SYNPR: variants seen among roughly 807,000 people sequenced by gnomAD.
SYNPR encodes the protein synaptoporin.
Under a neutral mutation model 32.9 loss-of-function variants are expected in SYNPR, and 23 were observed. The ratio of observed to expected loss-of-function variants is 0.70; its 90% CI spans 0.50 to 0.99. SYNPR has a LOEUF of 0.99. Among genes scored for constraint, SYNPR ranks in the 50% least tolerant of loss-of-function variants. The pLI is 0.00. For synonymous variants in SYNPR, 146 were observed against 135.9 expected (o/e 1.07, Z -0.52); for missense variants, 318 against 349.3 (o/e 0.91, Z 0.71).
At chr3:63,388,878 C>A (rs2107080987) in intron 2 of SYNPR, among the ~76,000 whole-genome samples, 1 of 152,230 alleles carries the variant, frequency 6.6e-6, no homozygotes, top group South Asian at 2.1e-4. Context: ...CTTGCTCACA[C>A]AACACAAATT....
chr3:63,434,006 T>C (rs1304991528), intron 2 of SYNPR, among the ~76,000 whole-genome samples: 1 of 151,578 alleles, frequency 6.6e-6, no homozygotes, highest in African/African-American at 2.4e-5. Flanking sequence ...GAGAGCAGAG[T>C]GGGGAGAGTG....
intron 2 of SYNPR, among the ~76,000 whole-genome samples, chr3:63,325,604 T>G (rs1199092152): frequency 6.6e-6 from 1 of 152,154 alleles, no homozygotes; most frequent in East Asian, 1.9e-4. Flanking sequence ...GCTGGCCTCC[T>G]ACACTCAGTG....
At chr3:63,557,042 A>C (rs1575709459) in intron 4 of SYNPR, among the ~76,000 whole-genome samples, 1 of 152,320 alleles carries the variant, frequency 6.6e-6, no homozygotes, top group African/African-American at 2.4e-5. Context: ...TAATTCCAGC[A>C]TTGTGGAGTT....
At chr3:63,288,738 T>C (rs1380211295) in intron 2 of SYNPR, among the ~76,000 whole-genome samples, 1 of 152,236 alleles carries the variant, frequency 6.6e-6, no homozygotes, top group Non-Finnish European at 1.5e-5. Context: ...ACATTAATTA[T>C]TATATTCATT....
intron 3 of SYNPR, among the ~76,000 whole-genome samples, chr3:63,548,978 C>G (rs770701449): frequency 6.6e-6 from 1 of 152,134 alleles, no homozygotes; most frequent in African/African-American, 2.4e-5. Flanking sequence ...TGTGGTGCTA[C>G]CTAAAGATAA....
chr3:63,489,406 A>C (rs935105436), intron 3 of SYNPR, among the ~76,000 whole-genome samples: 1 of 152,206 alleles, frequency 6.6e-6, no homozygotes, highest in African/African-American at 2.4e-5. Context: ...ATGAATGCTG[A>C]CATTAGAAAG....
chr3:63,550,158 C>T (rs200551281), intron 3 of SYNPR: 1 of 151,904 alleles, frequency 6.6e-6, no homozygotes, highest in Admixed American at 6.6e-5. Flanking sequence ...TGACTATACA[C>T]TTTCCCCCCA....
At chr3:63,494,470 C>CGT (rs1559516453) in intron 3 of SYNPR, among the ~76,000 whole-genome samples, 2,452 of 87,906 alleles carry the variant, frequency 0.028, 93 homozygotes, top group Non-Finnish European at 0.038. Flanking sequence ...CATATATACA[C>CGT]ATATATACAT....
At chr3:63,398,665 G>A (rs1349447934) in intron 2 of SYNPR, among the ~76,000 whole-genome samples, 1 of 151,814 alleles carries the variant, frequency 6.6e-6, no homozygotes, top group Non-Finnish European at 1.5e-5. Context: ...CTTGCAGTGA[G>A]CTGAGATCAC....
chr3:63,494,407 A>ATG (rs1553641143), intron 3 of SYNPR, among the ~76,000 whole-genome samples: 3 of 114,614 alleles, frequency 2.6e-5, no homozygotes, highest in African/African-American at 1.2e-4. Flanking sequence ...ATATATATAT[A>ATG]TATATATATA....
At chr3:63,587,827 C>A (rs536535709) in intron 4 of SYNPR, among the ~76,000 whole-genome samples, 13 of 152,102 alleles carry the variant, frequency 8.5e-5, no homozygotes, top group Admixed American at 2.0e-4. Flanking sequence ...CACACTATGG[C>A]CTCAAACTCC....
intron 2 of SYNPR, among the ~76,000 whole-genome samples, chr3:63,426,102 A>T (rs1699888795): frequency 6.6e-6 from 1 of 152,182 alleles, no homozygotes. Flanking sequence ...CACTTTTAAA[A>T]ATGTCCTAGC....
At chr3:63,259,613 T>A (rs1479917309) in intron 2 of SYNPR, among the ~76,000 whole-genome samples, 2 of 152,288 alleles carry the variant, frequency 1.3e-5, no homozygotes, top group East Asian at 1.9e-4. Context: ...CCACAGCCAA[T>A]GTCATACTGA....
upstream of SYNPR, among the ~76,000 whole-genome samples, chr3:63,224,766 C>G (rs187226571): frequency 2.0e-5 from 3 of 152,176 alleles, no homozygotes; most frequent in African/African-American, 7.2e-5. Flanking sequence ...GTGGCATGAA[C>G]CAGGTGTCTG....
At chr3:63,250,573 T>A (rs1014261038) in intron 1 of SYNPR, among the ~76,000 whole-genome samples, 2 of 152,176 alleles carry the variant, frequency 1.3e-5, no homozygotes, top group Non-Finnish European at 2.9e-5. Context: ...ATGGTCAACA[T>A]GTGGTTAGTA....
chr3:63,370,526 G>A (rs1324216408), intron 2 of SYNPR, among the ~76,000 whole-genome samples: 5 of 152,016 alleles, frequency 3.3e-5, no homozygotes, highest in African/African-American at 7.2e-5. Context: ...ATTTGTACTC[G>A]CCCAAAAAAT....
At position 63,595,739 on chromosome 3, in the gene SYNPR, A is replaced by AATTT. The variant is rs1391405952; in HGVS notation, c.409-13386_409-13385insATTT. Among the ~76,000 whole-genome samples, 5 of 44,066 alleles carry AATTT rather than the reference A, an allele frequency of 1.1e-4. 1 individual carries two copies. Among genetic ancestry groups the AATTT allele is most frequent in the African/African-American group, 4.5e-4 (2 of 4,444 alleles). The allele number at this position is 44,066 out of a possible 152,430, so 28.9% of individuals were successfully genotyped here. On this transcript the variant is annotated intron_variant, in intron 4 of 5. Transcript: ENST00000478300. The stretch of plus-strand genomic sequence containing the variant: ...ATTTTATATATATATATATATATAT[A>AATTT]TATATATATATATATATATATATAT...
At chr3:63,436,922 G>C (rs908253810) in intron 2 of SYNPR, among the ~76,000 whole-genome samples, 6 of 152,102 alleles carry the variant, frequency 3.9e-5, no homozygotes, top group African/African-American at 1.4e-4. Flanking sequence ...TGTTGCCCGG[G>C]CTGAAGTGCA....
chr3:63,418,454 G>A (rs540906266), intron 2 of SYNPR, among the ~76,000 whole-genome samples: 29 of 152,200 alleles, frequency 1.9e-4, no homozygotes, highest in Middle Eastern at 3.4e-3. Context: ...TTCCAAAGTC[G>A]CTTCCACATT....
Sources: allele counts gnomAD v4.1 joint callset (sites outside exome capture counted in the v4.1 genomes callset), GRCh38; gene constraint gnomAD v4.1.1; transcripts MANE v1.5; gene names NCBI Gene and HGNC (gene_info 2026-07-23, HGNC 2026-07-21).